Variants in PDE6C observed in about 807,000 individuals in gnomAD.
PDE6C encodes the protein cone cGMP-specific 3',5'-cyclic phosphodiesterase subunit alpha'.
In PDE6C, 75 loss-of-function variants were observed where a neutral mutation model predicts 113.1. The observed-to-expected ratio is 0.66, with a 90% CI of 0.55 to 0.80. The LOEUF is 0.80. Ranked by LOEUF, PDE6C falls within the 30% of genes least tolerant of loss-of-function variation. The probability of loss-of-function intolerance (pLI) is 0.00; values close to 1 mark genes in which losing one functional copy is unlikely to be tolerated. For synonymous variants in PDE6C, 375 were observed against 363.7 expected, an observed-to-expected ratio of 1.03 and a Z score of -0.35; for missense variants, 912 against 1,038.6, an observed-to-expected ratio of 0.88 and a Z score of 1.67.
intron 16 of PDE6C, among the ~76,000 whole-genome samples, chr10:93,657,555 T>C (rs2058644666): frequency 6.6e-6 from 1 of 152,120 alleles, no homozygotes; most frequent in South Asian, 2.1e-4. Context: ...ACTTGCTTTA[T>C]TCATGCAACA....
At chr10:93,644,732 T>C (rs1399257780) in intron 14 of PDE6C, among the ~76,000 whole-genome samples, 1 of 149,424 alleles carries the variant, frequency 6.7e-6, no homozygotes. Flanking sequence ...TGGCCTCTGA[T>C]AACCACCAAA....
chr10:93,627,980 G>T (rs1399229177), intron 7 of PDE6C, among the ~76,000 whole-genome samples: 1 of 152,200 alleles, frequency 6.6e-6, no homozygotes, highest in Non-Finnish European at 1.5e-5. Flanking sequence ...GGGATTTAAG[G>T]AGGGAGCCCA....
chr10:93,645,497 T>G (rs953606898), intron 14 of PDE6C, among the ~76,000 whole-genome samples: 3 of 152,168 alleles, frequency 2.0e-5, no homozygotes, highest in African/African-American at 7.2e-5. Context: ...GGGCCCCTAC[T>G]TATATAAAGC....
intron 7 of PDE6C, among the ~76,000 whole-genome samples, chr10:93,628,869 A>G (rs1417472596): frequency 6.6e-6 from 1 of 151,906 alleles, no homozygotes; most frequent in African/African-American, 2.4e-5. Flanking sequence ...CCCAAATCTC[A>G]CTTTAGGAAG....
At chr10:93,617,712 T>G (rs552788413) in intron 1 of PDE6C, among the ~76,000 whole-genome samples, 11 of 152,300 alleles carry the variant, frequency 7.2e-5, no homozygotes, top group Admixed American at 5.2e-4. Context: ...AGGTGAAGCC[T>G]GCAGTGATCA....
At chr10:93,664,684 CA>C (rs1309686812) in intron 21 of PDE6C, among the ~76,000 whole-genome samples, 1 of 152,076 alleles carries the variant, frequency 6.6e-6, no homozygotes, top group Non-Finnish European at 1.5e-5. Context: ...TTTATTTGCA[CA>C]AAAATTTACT....
intron 4 of PDE6C, among the ~76,000 whole-genome samples, chr10:93,622,690 A>G (rs1168452452): frequency 1.2e-5 from 1 of 83,250 alleles, no homozygotes; most frequent in South Asian, 3.7e-4. Flanking sequence ...CTGTTTCTAT[A>G]GTTTTTGCCT....
chr10:93,649,035 T>G (rs1029923427), intron 15 of PDE6C, among the ~76,000 whole-genome samples: 5 of 152,218 alleles, frequency 3.3e-5, no homozygotes, highest in Non-Finnish European at 7.3e-5. Flanking sequence ...GCCTGTACTT[T>G]CCCTGGCCTC....
chr10:93,640,775 C>A, intron 13 of PDE6C, 145 bp from the exon 14 acceptor site: 1 of 707,026 alleles, frequency 1.4e-6, no homozygotes. Context: ...CAGTCTTCAC[C>A]CACAGTACTA....
In PDE6C at chr10:93,640,784, T is replaced by A. The variant is rs1239902669; in HGVS notation, c.1738-136T>A. On this transcript the variant is annotated intron_variant, in intron 13 of 21. Transcript: ENST00000371447. ...AAGGTTCAGTCTTCACCCACAGTAC[T>A]ACAATACTCACAACAAATAAAGTGA... The A allele has an allele frequency of 4.2e-6, 3 of 716,584 alleles. No individual in the cohort carries two copies. In the African/African-American group the frequency reaches 5.3e-5, roughly 13 times the overall value. 44.4% of individuals were successfully genotyped at this position (716,584 alleles called of 1,614,324 possible). A position where few individuals can be genotyped will look rare whatever the true frequency, so the allele number is the denominator to read the frequency against.
intron 15 of PDE6C, among the ~76,000 whole-genome samples, chr10:93,654,393 C>T (rs11187575): frequency 0.15 from 22,620 of 152,240 alleles, 2,011 homozygotes; most frequent in South Asian, 0.24. Context: ...AGTTCTGCCA[C>T]ATTCTAGCTG....
intron 14 of PDE6C, among the ~76,000 whole-genome samples, chr10:93,641,488 G>C (rs1260347612): frequency 6.6e-6 from 1 of 151,912 alleles, no homozygotes; most frequent in Non-Finnish European, 1.5e-5. Flanking sequence ...AAATTAGTCG[G>C]ATGTGGCACA....
intron 1 of PDE6C, among the ~76,000 whole-genome samples, chr10:93,617,611 T>TA (rs1287774635): frequency 1.3e-5 from 2 of 152,064 alleles, no homozygotes; most frequent in East Asian, 1.9e-4. Context: ...CTGTCCCTAC[T>TA]AAAAATACAA....
At position 93,663,052 on chromosome 10, in the gene PDE6C, A is replaced by C; in HGVS notation, c.2392A>C (p.Ile798Leu). ...GGAGTTCTCACGGTTTCACAAAGAA[A>C]TCACACCTATGCTGAGTGGTCTTCA... ...YKEFSRFHKE[I>L]TPMLSGLQNN... The change falls in exon 21 of 22, where the codon ATC becomes CTC. Residue 798 changes from isoleucine (I) to leucine (L), a missense_variant. Coordinates refer to ENST00000371447, the MANE Select transcript of PDE6C (RefSeq NM_006204.4). 1 of 1,612,788 alleles carries C rather than the reference A, an allele frequency of 6.2e-7. No homozygotes were observed. Among genetic ancestry groups the C allele is most frequent in the Non-Finnish European group, 8.5e-7 (1 of 1,179,572 alleles).
intron 21 of PDE6C, among the ~76,000 whole-genome samples, chr10:93,663,537 A>G (rs2133880039): frequency 6.6e-6 from 1 of 152,274 alleles, no homozygotes; most frequent in South Asian, 2.1e-4. Context: ...TTGTCCCAAC[A>G]TTATGCATTA....
At chr10:93,633,435 C>G (rs2058511439) in intron 8 of PDE6C, among the ~76,000 whole-genome samples, 1 of 147,218 alleles carries the variant, frequency 6.8e-6, no homozygotes, top group Admixed American at 7.0e-5. Flanking sequence ...CGTTGTACTC[C>G]AGCCTGGGTG....
chr10:93,618,534 T>C (rs2058430874), intron 1 of PDE6C, among the ~76,000 whole-genome samples: 1 of 152,200 alleles, frequency 6.6e-6, no homozygotes, highest in Non-Finnish European at 1.5e-5. Context: ...TGTTTCCACT[T>C]TGGGAAAGGT....
At position 93,659,090 on chromosome 10, in the gene PDE6C, G is replaced by T; in HGVS notation, c.2145-14G>T. On this transcript the variant is annotated splice_polypyrimidine_tract_variant and intron_variant, in intron 17 of 21. Transcript: ENST00000371447. ...ACTTATTTCTATTTTAAAATTTTTTGTTTTCTTCCTAAGGGCAATGATGAT... is the reference window on the plus strand; with the variant it reads ...ACTTATTTCTATTTTAAAATTTTTTTTTTTCTTCCTAAGGGCAATGATGAT... The T allele has an allele frequency of 1.2e-6, 2 of 1,606,078 alleles. No homozygotes were observed. The highest frequency in any genetic ancestry group is 1.7e-6 in the Non-Finnish European group (2 of 1,175,142).
At chr10:93,636,368 TTGTGTGTGTGTGTGTG>T (rs56143950) in intron 10 of PDE6C, among the ~76,000 whole-genome samples, 1 of 141,256 alleles carries the variant, frequency 7.1e-6, no homozygotes, top group African/African-American at 2.7e-5. Context: ...TTCCCTGGCT[TTGTGTGTGTGTGTGTG>T]TGTGTGTGTG....
Sources: allele counts gnomAD v4.1 joint callset (sites outside exome capture counted in the v4.1 genomes callset), GRCh38; gene constraint gnomAD v4.1.1; transcripts MANE v1.5; gene names NCBI Gene and HGNC (gene_info 2026-07-23, HGNC 2026-07-21).